TRPC6: variants seen among roughly 807,000 people sequenced by gnomAD.
The protein encoded by TRPC6 is short transient receptor potential channel 6.
A neutral mutation model predicts 90.7 loss-of-function variants in TRPC6; 55 were observed. That is an observed-to-expected ratio of 0.61 (90% CI 0.49 to 0.76). The LOEUF (loss-of-function observed/expected upper bound fraction) is 0.76. Among genes scored for constraint, TRPC6 ranks in the 30% least tolerant of loss-of-function variants. The pLI, the probability that TRPC6 is intolerant of heterozygous loss-of-function variation, is 0.00. For synonymous variants in TRPC6, 393 were observed against 393.0 expected (o/e 1.00, Z 0.00); for missense variants, 989 against 1,122.7 (o/e 0.88, Z 1.70).
At chr11:101,508,142 G>A (rs973057232) in intron 1 of TRPC6, among the ~76,000 whole-genome samples, 9 of 151,802 alleles carry the variant, frequency 5.9e-5, no homozygotes, top group Admixed American at 4.6e-4. Flanking sequence ...TTCTCTCTCT[G>A]GGGATGTTAA....
At chr11:101,505,108 G>T (rs1860228164) in intron 1 of TRPC6, among the ~76,000 whole-genome samples, 1 of 152,178 alleles carries the variant, frequency 6.6e-6, no homozygotes, top group African/African-American at 2.4e-5. Flanking sequence ...ACTTAGGAAA[G>T]ATGTCTATAT....
intron 7 of TRPC6, 85 bp downstream of exon 7, chr11:101,473,421 CATT>C: frequency 6.7e-7 from 1 of 1,482,978 alleles, no homozygotes; most frequent in Non-Finnish European, 9.3e-7. Context: ...TTTACCAAAA[CATT>C]ATCCCATGGA....
At position 101,471,423 on chromosome 11, in the gene TRPC6, C is replaced by T. The variant is rs1233385791; in HGVS notation, c.2206-37G>A. 5 of 1,604,580 alleles carry T rather than the reference C, an allele frequency of 3.1e-6. No individual in the cohort carries two copies. In the South Asian group the frequency reaches 5.5e-5, roughly 18 times the overall value. On this transcript the variant is annotated intron_variant, in intron 8 of 12. Coordinates refer to ENST00000344327, the MANE Select transcript of TRPC6 (RefSeq NM_004621.6). ...CACATGACAGTTCAGCAAGGAAATG[C>T]ATAAACAGAATTACTGGGATGCTTT...
chr11:101,453,576 T>C, intron 12 of TRPC6, 74 bp downstream of exon 12: 1 of 1,393,192 alleles, frequency 7.2e-7, no homozygotes, highest in Non-Finnish European at 1.0e-6. Context: ...TCTCTGCAGC[T>C]CTCCAGGCAC....
intron 1 of TRPC6, among the ~76,000 whole-genome samples, chr11:101,524,047 A>T (rs1410999507): frequency 6.6e-6 from 1 of 152,170 alleles, no homozygotes; most frequent in Admixed American, 6.5e-5. Flanking sequence ...TCAACACAGG[A>T]TTACCCATAC....
At chr11:101,524,743 A>T (rs1234346065) in intron 1 of TRPC6, among the ~76,000 whole-genome samples, 3 of 152,226 alleles carry the variant, frequency 2.0e-5, no homozygotes, top group Admixed American at 2.0e-4. Flanking sequence ...CATAGACTTC[A>T]TTTAAGAAAA....
At chr11:101,558,259 AT>A in intron 1 of TRPC6, among the ~76,000 whole-genome samples, 1 of 137,790 alleles carries the variant, frequency 7.3e-6, no homozygotes, top group Non-Finnish European at 1.5e-5. Context: ...ATATGTATAC[AT>A]GTATATGGGT....
intron 1 of TRPC6, among the ~76,000 whole-genome samples, chr11:101,582,066 A>G (rs1455836246): frequency 6.6e-6 from 1 of 152,240 alleles, no homozygotes; most frequent in African/African-American, 2.4e-5. Flanking sequence ...TACAAGTTAA[A>G]TGGGGGAATT....
intron 5 of TRPC6, among the ~76,000 whole-genome samples, chr11:101,476,938 A>G (rs747857563): frequency 2.0e-5 from 3 of 152,122 alleles, no homozygotes; most frequent in African/African-American, 7.2e-5. Flanking sequence ...ATTAATTACC[A>G]TGGGACAGTG....
chr11:101,522,515 C>T (rs1421059100), intron 1 of TRPC6, among the ~76,000 whole-genome samples: 2 of 152,176 alleles, frequency 1.3e-5, no homozygotes, highest in Non-Finnish European at 2.9e-5. Context: ...CTAACACAGT[C>T]ACCTTCTCAC....
chr11:101,486,764 C>A (rs1021818115), intron 4 of TRPC6, among the ~76,000 whole-genome samples: 1 of 152,004 alleles, frequency 6.6e-6, no homozygotes, highest in Non-Finnish European at 1.5e-5. Context: ...TTGGAAAATC[C>A]AAAATATTTT....
chr11:101,511,494 C>A (rs1161917426), intron 1 of TRPC6, among the ~76,000 whole-genome samples: 1 of 152,078 alleles, frequency 6.6e-6, no homozygotes, highest in Non-Finnish European at 1.5e-5. Context: ...CTGCAAACGA[C>A]TACAATGTAC....
chr11:101,490,799 T>C (rs1345535743), intron 3 of TRPC6, among the ~76,000 whole-genome samples: 1 of 152,218 alleles, frequency 6.6e-6, no homozygotes, highest in Non-Finnish European at 1.5e-5. Context: ...AAGCAGAGAA[T>C]GGGGCCAGTG....
In TRPC6 at chr11:101,452,645, C is replaced by G. The variant is rs200582003; in HGVS notation, c.*310G>C. ...TGGGTCAGCCCCTGTCCGCTGGGAC[C>G]CATTTTCAGGCAGACACTACATGGC... On this transcript the variant is annotated 3_prime_UTR_variant, in exon 13 of 13. Transcript: ENST00000344327. 1.7e-4 allele frequency: 52 copies of G among 303,526 alleles called. No individual in the cohort carries two copies. Among genetic ancestry groups the G allele is most frequent in the South Asian group, 1.3e-3 (32 of 25,450 alleles). 18.8% of individuals were successfully genotyped at this position (303,526 alleles called of 1,614,324 possible). A position where few individuals can be genotyped will look rare whatever the true frequency, so the allele number is the denominator to read the frequency against.
At chr11:101,472,012 G>T in intron 8 of TRPC6, 125 bp downstream of exon 8, 1 of 972,542 alleles carries the variant, frequency 1.0e-6, no homozygotes, top group Non-Finnish European at 1.6e-6. Flanking sequence ...GGTCAAACGA[G>T]TGTATAAAAC....
At chr11:101,458,386 C>A (rs1386490658) in intron 10 of TRPC6, among the ~76,000 whole-genome samples, 2 of 152,144 alleles carry the variant, frequency 1.3e-5, no homozygotes, top group African/African-American at 4.8e-5. Flanking sequence ...TAAGCTCTAC[C>A]CTACATGGTT....
chr11:101,457,762 A>G (rs1361618836), intron 10 of TRPC6, among the ~76,000 whole-genome samples: 1 of 152,210 alleles, frequency 6.6e-6, no homozygotes, highest in African/African-American at 2.4e-5. Context: ...AGGGAAAATA[A>G]TATTACCTAC....
At chr11:101,513,461 A>G (rs1038230321) in intron 1 of TRPC6, among the ~76,000 whole-genome samples, 2 of 152,226 alleles carry the variant, frequency 1.3e-5, no homozygotes, top group Admixed American at 6.5e-5. Context: ...TCATCACTAA[A>G]GAACTTATAC....
intron 10 of TRPC6, among the ~76,000 whole-genome samples, chr11:101,462,223 G>C (rs1859020933): frequency 6.6e-6 from 1 of 152,180 alleles, no homozygotes; most frequent in African/African-American, 2.4e-5. Context: ...TAGCCTTGTA[G>C]TATAGTTTGA....
Sources: gnomAD v4.1 joint callset for allele counts (sites outside exome capture counted in the v4.1 genomes callset) on GRCh38, gnomAD v4.1.1 for gene constraint, MANE v1.5 for transcripts, NCBI Gene and HGNC (gene_info 2026-07-23, HGNC 2026-07-21) for gene names.